Variants in PREP observed in about 807,000 individuals in gnomAD.
PREP encodes dJ355L5.1 (prolyl endopeptidase).
Under a neutral mutation model 87.6 loss-of-function variants are expected in PREP, and 29 were observed. The ratio of observed to expected loss-of-function variants is 0.33; its 90% CI spans 0.25 to 0.45. The LOEUF (loss-of-function observed/expected upper bound fraction) is 0.45, where lower values mean the gene tolerates loss of function less well. Ranked by LOEUF, PREP falls within the 20% of genes least tolerant of loss-of-function variation. The pLI is 1.00. For missense variants in PREP, 695 were observed against 886.5 expected (o/e 0.78, Z 2.74); for synonymous variants, 337 against 328.6 (o/e 1.03, Z -0.28).
At chr6:105,314,750 G>A (rs1241093686) in intron 10 of PREP, among the ~76,000 whole-genome samples, 1 of 152,090 alleles carries the variant, frequency 6.6e-6, no homozygotes, top group East Asian at 1.9e-4. Context: ...TCATGTTAAT[G>A]TTGATATTTT....
chr6:105,284,537 T>A (rs1190046), intron 12 of PREP, among the ~76,000 whole-genome samples: 2,536 of 152,196 alleles, frequency 0.017, 82 homozygotes, highest in African/African-American at 0.058. Flanking sequence ...AGGAGACCCC[T>A]CTCACCTGGA....
chr6:105,306,198 C>G (rs930928091), intron 10 of PREP, among the ~76,000 whole-genome samples: 19 of 152,046 alleles, frequency 1.2e-4, no homozygotes, highest in African/African-American at 3.9e-4. Flanking sequence ...CTGAAGATGA[C>G]TAACTGAATC....
chr6:105,308,922 T>C (rs1770704043), intron 10 of PREP, among the ~76,000 whole-genome samples: 1 of 152,106 alleles, frequency 6.6e-6, no homozygotes, highest in Admixed American at 6.5e-5. Flanking sequence ...GTACACAGGA[T>C]GGAGAGCGAA....
chr6:105,384,730 T>C (rs1191019415), intron 2 of PREP, among the ~76,000 whole-genome samples: 1 of 152,170 alleles, frequency 6.6e-6, no homozygotes, highest in Non-Finnish European at 1.5e-5. Flanking sequence ...AGGGAGAAGT[T>C]ATCTCAACTT....
chr6:105,381,024 T>C (rs565199253), intron 2 of PREP, among the ~76,000 whole-genome samples: 2 of 152,358 alleles, frequency 1.3e-5, no homozygotes, highest in South Asian at 4.1e-4. Context: ...ACACTGGCTT[T>C]TCACATATAA....
rs370217307 is a variant in PREP, at chr6:105,381,560, A to G, written c.121-4041T>C. ...AAGGAGTTTCAGTACCCGCAGTCTC[A>G]TTCTAGGATGTATTAAAATAACTGA... On this transcript the variant is annotated intron_variant, in intron 2 of 14. Coordinates refer to ENST00000652536, the MANE Select transcript of PREP (RefSeq NM_002726.5). 3.9e-5 allele frequency among the ~76,000 whole-genome samples: 6 copies of G among 152,242 alleles called. No individual in the cohort carries two copies. The South Asian group carries it at 8.3e-4, about 21-fold the overall frequency.
At chr6:105,345,219 A>G (rs1252511239) in intron 7 of PREP, among the ~76,000 whole-genome samples, 1 of 152,220 alleles carries the variant, frequency 6.6e-6, no homozygotes, top group Non-Finnish European at 1.5e-5. Context: ...AAAACAGGAA[A>G]ATTACTTTTT....
At chr6:105,386,772 T>C (rs1773006852) in intron 2 of PREP, among the ~76,000 whole-genome samples, 1 of 152,176 alleles carries the variant, frequency 6.6e-6, no homozygotes, top group South Asian at 2.1e-4. Flanking sequence ...GGAAAACAGA[T>C]TTATACTGAA....
chr6:105,288,018 C>G (rs887624850), intron 11 of PREP, among the ~76,000 whole-genome samples: 4 of 152,180 alleles, frequency 2.6e-5, no homozygotes, highest in Admixed American at 1.3e-4. Flanking sequence ...ACATTTATGG[C>G]TGAACGTTAA....
intron 4 of PREP, among the ~76,000 whole-genome samples, chr6:105,375,623 G>C (rs1258402935): frequency 2.6e-5 from 4 of 152,172 alleles, no homozygotes; most frequent in African/African-American, 7.2e-5. Context: ...ATTTCTACAA[G>C]ATTTGTGTGT....
At chr6:105,301,573 T>A (rs1167921027) in intron 10 of PREP, among the ~76,000 whole-genome samples, 1 of 152,180 alleles carries the variant, frequency 6.6e-6, no homozygotes, top group East Asian at 1.9e-4. Context: ...GGCATTTAAC[T>A]TTTGGGGAGT....
intron 3 of PREP, 46 bp from the exon 4 acceptor site, chr6:105,376,301 T>G (rs1304178907): frequency 6.3e-7 from 1 of 1,587,926 alleles, no homozygotes; most frequent in Non-Finnish European, 8.6e-7. Context: ...GTTTTCTATT[T>G]GTGGAGTAAA....
chr6:105,314,442 T>C (rs368535571), intron 10 of PREP, among the ~76,000 whole-genome samples: 11 of 152,368 alleles, frequency 7.2e-5, no homozygotes, highest in South Asian at 4.1e-4. Flanking sequence ...CTGCCACTGA[T>C]TTATCAACAA....
chr6:105,278,152 T>A lies in PREP; in HGVS notation c.2125A>T (p.Ile709Phe). Residue 709 changes from isoleucine (I) to phenylalanine (F), a missense_variant, in exon 15 of 15, where the codon ATT becomes TTT. Around this residue, in one of 5 missense-constraint regions of PREP, gnomAD observed 121 missense variants for 154.8 expected, o/e 0.78. Coordinates refer to ENST00000652536, the MANE Select transcript of PREP (RefSeq NM_002726.5). The surrounding 1 kb of genome is among the most constrained non-coding windows in gnomAD (Gnocchi z 4.2). ...FIARCLNVDW[I>F]P ...GGAAGCACGAAAACTGTTTATGGAA[T>A]CCAGTCGACGTTCAGGCACCGCGCG... 3 of 1,608,766 alleles carry A rather than the reference T, an allele frequency of 1.9e-6. No individual in the cohort carries two copies. The highest frequency in any genetic ancestry group is 2.6e-6 in the Non-Finnish European group (3 of 1,176,004).
intron 10 of PREP, among the ~76,000 whole-genome samples, chr6:105,308,583 T>C (rs1477386773): frequency 6.6e-6 from 1 of 152,196 alleles, no homozygotes; most frequent in Non-Finnish European, 1.5e-5. Flanking sequence ...CATTCACTTT[T>C]CTGGCAACAT....
intron 2 of PREP, among the ~76,000 whole-genome samples, chr6:105,379,568 T>C (rs1772781660): frequency 6.6e-6 from 1 of 152,048 alleles, no homozygotes; most frequent in Non-Finnish European, 1.5e-5. Context: ...GGTCATGCAG[T>C]GAGTTAGCAA....
At chr6:105,352,312 T>C (rs1771979209) in intron 7 of PREP, among the ~76,000 whole-genome samples, 2 of 152,092 alleles carry the variant, frequency 1.3e-5, no homozygotes, top group East Asian at 1.9e-4. Flanking sequence ...ATGATAGAGA[T>C]GGTGGAAGAG....
At position 105,353,095 on chromosome 6, in the gene PREP, A is replaced by G; in HGVS notation, c.718-18T>C. The stretch of plus-strand genomic sequence containing the variant: ...TCAGATAACTAAAAAAGAAAAAAAA[A>G]TAGTGCAGGGGACTAATTAGAATTT... On this transcript the variant is annotated intron_variant, in intron 6 of 14. Coordinates refer to ENST00000652536, the MANE Select transcript of PREP (RefSeq NM_002726.5). 1.3e-6 allele frequency: 2 copies of G among 1,549,210 alleles called. No homozygotes were observed. The highest frequency in any genetic ancestry group is 2.2e-5 in the South Asian group (2 of 89,234).
At chr6:105,286,918 C>T (rs185661161) in intron 11 of PREP, among the ~76,000 whole-genome samples, 5 of 244 alleles carry the variant, frequency 0.02, no homozygotes, top group African/African-American at 0.069. Context: ...TTGTCTTGAT[C>T]CTGGACCACC....
Sources: allele counts gnomAD v4.1 joint callset (sites outside exome capture counted in the v4.1 genomes callset), GRCh38; gene constraint gnomAD v4.1.1; regional missense constraint gnomAD v4.1.1; non-coding constraint Gnocchi (gnomAD v3.1); transcripts MANE v1.5; gene names NCBI Gene and HGNC (gene_info 2026-07-23, HGNC 2026-07-21).